Variants in RBFOX1 observed in about 807,000 individuals in gnomAD.
RBFOX1 encodes RNA binding protein fox-1 homolog 1.
RBFOX1 carries 8 observed loss-of-function variants against 57.7 expected under a neutral mutation model. That is an observed-to-expected ratio of 0.14 (90% confidence interval 0.08 to 0.25). The LOEUF is 0.25. RBFOX1 is among the 10% of genes least tolerant of loss of function. RBFOX1 has a pLI of 1.00. For synonymous variants in RBFOX1, 326 were observed against 222.4 expected (o/e 1.47, Z -4.15); for missense variants, 611 against 548.5 (o/e 1.11, Z -1.14).
intron 1 of RBFOX1, among the ~76,000 whole-genome samples, chr16:6,073,187 C>G (rs1337812438): frequency 1.3e-5 from 2 of 152,248 alleles, no homozygotes; most frequent in African/African-American, 4.8e-5. Flanking sequence ...GCCTTCATCC[C>G]TTAATATCAT....
intron 3 of RBFOX1, chr16:6,873,794 TTTA>T (rs1341837000): frequency 1.3e-5 from 2 of 152,206 alleles, no homozygotes; most frequent in African/African-American, 2.4e-5. Context: ...CTCTGTGATC[TTTA>T]TTATTGCCAT....
chr16:5,791,983 C>G lies in RBFOX1; in HGVS notation c.319-75320C>G, dbSNP rs570626513. On this transcript the variant is annotated intron_variant, in intron 3 of 19. Coordinates refer to the RBFOX1 transcript ENST00000641259. ...TTGGAGGTCCTTTGTACACCAGAGA[C>G]TTTGAGGATGACTTTGGCAGGGCGC... Among the ~76,000 whole-genome samples, 8 of 152,246 alleles carry G rather than the reference C, an allele frequency of 5.3e-5. No individual in the cohort carries two copies. The South Asian group carries it at 1.7e-3, about 32-fold the overall frequency.
chr16:7,069,868 A>G (rs1406622252), intron 4 of RBFOX1, among the ~76,000 whole-genome samples: 1 of 152,108 alleles, frequency 6.6e-6, no homozygotes, highest in Non-Finnish European at 1.5e-5. Context: ...TCACTCCAAA[A>G]TGTAGAATTT....
intron 3 of RBFOX1, among the ~76,000 whole-genome samples, chr16:5,706,926 A>T (rs781193846): frequency 7.9e-5 from 12 of 152,088 alleles, no homozygotes; most frequent in Non-Finnish European, 1.6e-4. Flanking sequence ...GTAGGTGGCC[A>T]GTATCTTACC....
At chr16:7,624,088 T>C (rs2059716449) in intron 10 of RBFOX1, among the ~76,000 whole-genome samples, 1 of 152,192 alleles carries the variant, frequency 6.6e-6, no homozygotes, top group Non-Finnish European at 1.5e-5. Flanking sequence ...GGTAAGGTTT[T>C]TGGTAAAGGA....
At chr16:7,660,293 A>G (rs974219276) in intron 12 of RBFOX1, among the ~76,000 whole-genome samples, 1 of 152,212 alleles carries the variant, frequency 6.6e-6, no homozygotes, top group Non-Finnish European at 1.5e-5. Flanking sequence ...TCCCGATGTG[A>G]TTGACAAACA....
At chr16:7,206,881 C>G (rs568007770) in intron 4 of RBFOX1, among the ~76,000 whole-genome samples, 17 of 152,104 alleles carry the variant, frequency 1.1e-4, no homozygotes, top group Non-Finnish European at 2.2e-4. Flanking sequence ...GCTGGAGAAA[C>G]CGTCTTAACT....
At chr16:5,866,902 C>G (rs1597561985) in intron 3 of RBFOX1, among the ~76,000 whole-genome samples, 1 of 152,116 alleles carries the variant, frequency 6.6e-6, no homozygotes, top group Non-Finnish European at 1.5e-5. Context: ...CCTGGTGTTT[C>G]TCATAACACT....
chr16:6,511,229 A>G (rs12444030), intron 2 of RBFOX1, among the ~76,000 whole-genome samples: 133,947 of 152,200 alleles, frequency 0.88, 59,732 homozygotes, highest in African/African-American at 0.96. Context: ...TCTGATACTC[A>G]GATGTGTTGG....
chr16:7,397,385 G>T (rs926727038), intron 4 of RBFOX1, among the ~76,000 whole-genome samples: 3 of 152,236 alleles, frequency 2.0e-5, no homozygotes, highest in African/African-American at 2.4e-5. Flanking sequence ...GTCTATGAAC[G>T]TTGGCTTATA....
intron 3 of RBFOX1, among the ~76,000 whole-genome samples, chr16:6,829,976 G>C (rs1209602573): frequency 4.6e-5 from 7 of 151,950 alleles, no homozygotes; most frequent in Non-Finnish European, 8.8e-5. Flanking sequence ...GAGTGCAGTG[G>C]TGCAGTCTCA....
chr16:5,540,025 C>G (rs1185542120), intron 2 of RBFOX1, among the ~76,000 whole-genome samples: 2 of 152,076 alleles, frequency 1.3e-5, no homozygotes. Context: ...TTCTTCTGTT[C>G]TGATTTCTGC....
chr16:6,125,536 A>C (rs1302153228), intron 1 of RBFOX1, among the ~76,000 whole-genome samples: 1 of 152,188 alleles, frequency 6.6e-6, no homozygotes. Flanking sequence ...GAGTTAAACA[A>C]TGTGAATGCC....
At chr16:7,151,978 C>G (rs1161765550) in intron 4 of RBFOX1, among the ~76,000 whole-genome samples, 2 of 152,174 alleles carry the variant, frequency 1.3e-5, no homozygotes, top group African/African-American at 2.4e-5. Flanking sequence ...TTACCTCCTG[C>G]TGTGTGGCCT....
At chr16:7,303,083 C>G (rs911860669) in intron 4 of RBFOX1, among the ~76,000 whole-genome samples, 2 of 152,202 alleles carry the variant, frequency 1.3e-5, no homozygotes, top group Non-Finnish European at 2.9e-5. Flanking sequence ...GGAGAAGCCC[C>G]CTTCCAGTCG....
At chr16:6,698,080 A>G (rs543964077) in intron 3 of RBFOX1, among the ~76,000 whole-genome samples, 6 of 152,324 alleles carry the variant, frequency 3.9e-5, no homozygotes, top group African/African-American at 1.4e-4. Context: ...ATTTGGAGTT[A>G]TTTCAACTGT....
chr16:6,801,620 C>G (rs1285563921), intron 3 of RBFOX1, among the ~76,000 whole-genome samples: 1 of 151,844 alleles, frequency 6.6e-6, no homozygotes. Flanking sequence ...ATGTGTCCAT[C>G]AGGAGACAGC....
At chr16:6,078,045 G>C (rs1042674810) in intron 1 of RBFOX1, among the ~76,000 whole-genome samples, 6 of 152,290 alleles carry the variant, frequency 3.9e-5, no homozygotes, top group Non-Finnish European at 8.8e-5. Context: ...TAACACACCA[G>C]TTATCAGGAG....
chr16:6,638,020 G>T (rs1475359845), intron 2 of RBFOX1, among the ~76,000 whole-genome samples: 1 of 151,988 alleles, frequency 6.6e-6, no homozygotes, highest in South Asian at 2.1e-4. Flanking sequence ...TGACATGTTT[G>T]ACTGAAGTAT....
Sources: allele counts gnomAD v4.1 joint callset (sites outside exome capture counted in the v4.1 genomes callset), GRCh38; gene constraint gnomAD v4.1.1; transcripts MANE v1.5; gene names NCBI Gene and HGNC (gene_info 2026-07-23, HGNC 2026-07-21).